DHRS7: variants seen among roughly 807,000 people sequenced by gnomAD.
DHRS7 encodes the protein dehydrogenase/reductase SDR family member 7.
In DHRS7, 34 loss-of-function variants were observed where a neutral mutation model predicts 38.9. That is an observed-to-expected ratio of 0.87 (90% CI 0.66 to 1.16). The LOEUF is 1.16. DHRS7 is among the 50% of genes most tolerant of loss of function. The probability of loss-of-function intolerance (pLI) is 0.00; values close to 1 mark genes in which losing one functional copy is unlikely to be tolerated. For missense variants in DHRS7, 421 were observed against 407.0 expected (o/e 1.03, Z -0.30); for synonymous variants, 158 against 153.1 (o/e 1.03, Z -0.24).
chr14:60,161,648 C>G lies in DHRS7; in HGVS notation c.133+3529G>C, dbSNP rs1033318336. Among the ~76,000 whole-genome samples the G allele has an allele frequency of 2.0e-5, 3 of 152,146 alleles. No homozygotes were observed. The highest frequency in any genetic ancestry group is 7.2e-5 in the African/African-American group (3 of 41,434). The stretch of plus-strand genomic sequence containing the variant: ...CACCAATTCTAGTTGGTTAATGTTC[C>G]TCTTTATTAAAGGGAGCTGGCTAGG... On this transcript the variant is annotated intron_variant, in intron 1 of 6. Transcript: ENST00000557185. The surrounding 1 kb of genome is among the most constrained non-coding windows in gnomAD (Gnocchi z 4.2).
At position 60,156,011 on chromosome 14, in the gene DHRS7, C is replaced by T. The variant is rs1164711259; in HGVS notation, c.275G>A (p.Arg92Lys). ...RRVHELERVK[R>K]RCLENGNLKE... The stretch of plus-strand genomic sequence containing the variant: ...TCAGATCCGCTTACCTAGGCATCTT[C>T]TTTTCACCCTTTCCAGCTCATGCAC... Residue 92 changes from arginine (R) to lysine (K), a missense_variant, in exon 2 of 7, where the codon AGA (arginine) becomes AAA (lysine). Arg to Lys is a conservative substitution (Grantham distance 26). Coordinates refer to ENST00000557185, the MANE Select transcript of DHRS7 (RefSeq NM_016029.4). The T allele has an allele frequency of 1.3e-6, 2 of 1,574,748 alleles. No homozygotes were observed. Among genetic ancestry groups the T allele is most frequent in the East Asian group, 4.7e-5 (2 of 42,632 alleles).
At chr14:60,149,153 A>G in intron 6 of DHRS7, 200 bp downstream of exon 6, 1 of 567,734 alleles carries the variant, frequency 1.8e-6, no homozygotes, top group Non-Finnish European at 3.1e-6. Context: ...TTGTATTTTT[A>G]GTAGAGATGG....
chr14:60,155,941 ATTT>A, intron 2 of DHRS7, 56 bp downstream of exon 2: 1 of 1,385,034 alleles, frequency 7.2e-7, no homozygotes, highest in Non-Finnish European at 9.5e-7. Context: ...CCAAAACTGT[ATTT>A]GAGTTTGGAC....
rs1323358892 is a variant in DHRS7, at chr14:60,150,105, G to T, written c.716C>A (p.Ser239Ter). ...VSNICPGPVQ[S>*]NIVENSLAGE... ...AGCTAGGGAATTCTCCACAATATTT[G>T]ATTGCACAGGTCCTGGGCAAATGTT... is the stretch of plus-strand genomic sequence containing the variant. The change falls in exon 5 of 7, where the codon TCA (serine) becomes TAA (stop). Residue 239 changes from serine (S) to a stop codon, truncating the protein, a stop_gained. Coordinates refer to ENST00000557185, the MANE Select transcript of DHRS7 (RefSeq NM_016029.4). LOFTEE classifies it high-confidence loss of function. The T allele has an allele frequency of 6.3e-7, 1 of 1,599,352 alleles. No individual in the cohort carries two copies. Among genetic ancestry groups the T allele is most frequent in the South Asian group, 1.1e-5 (1 of 89,266 alleles).
In DHRS7 at chr14:60,156,093, C is replaced by G; in HGVS notation, c.193G>C (p.Glu65Gln). ...VTGASSGIGE[E>Q]LAYQLSKLGV... is the part of the protein sequence containing the mutation. ...AGTTTAGACAACTGGTAAGCCAGCT[C>G]CTCACCAATTCCACTCGAGGCTCCA... The change falls in exon 2 of 7, where the codon GAG (glutamate) becomes CAG (glutamine). Residue 65 changes from glutamate (E) to glutamine (Q), a missense_variant. Physicochemically the swap from Glu to Gln is conservative, Grantham distance 29. Transcript: ENST00000557185. 6.2e-7 allele frequency: 1 copy of G among 1,603,768 alleles called. No homozygotes were observed.
rs71451093 is a variant in DHRS7, at chr14:60,163,209, TAATAAGCATATGACTA to T, written c.133+1952_133+1967del. Among the ~76,000 whole-genome samples, 10 of 151,706 alleles carry T rather than the reference TAATAAGCATATGACTA, an allele frequency of 6.6e-5. No homozygotes were observed. The East Asian group carries it at 1.4e-3, about 21-fold the overall frequency. On this transcript the variant is annotated intron_variant, in intron 1 of 6. Coordinates refer to ENST00000557185, the MANE Select transcript of DHRS7 (RefSeq NM_016029.4). ...AAAGAAAAAAAGCTTACTCCTTAGT[TAATAAGCATATGACTA>T]AATAAGCATATGACTAAATTTTAAA...
At chr14:60,164,968 C>T (rs1022703440) in intron 1 of DHRS7, among the ~76,000 whole-genome samples, 1 of 152,212 alleles carries the variant, frequency 6.6e-6, no homozygotes, top group Non-Finnish European at 1.5e-5. Flanking sequence ...TGCCATCTTC[C>T]GACCAGTACA....
At chr14:60,167,822 C>T (rs1257763178), upstream of DHRS7, among the ~76,000 whole-genome samples, 1 of 152,102 alleles carries the variant, frequency 6.6e-6, no homozygotes, top group East Asian at 1.9e-4. Context: ...GTTGGATGAA[C>T]AGTGGCCATA....
chr14:60,166,003 G>C (rs933689922), upstream of DHRS7, among the ~76,000 whole-genome samples: 9 of 152,200 alleles, frequency 5.9e-5, no homozygotes, highest in African/African-American at 2.2e-4. Flanking sequence ...GGCAACCAAA[G>C]CCTAGGTTGG....
chr14:60,165,269 G>A lies in DHRS7; in HGVS notation c.41C>T (p.Ala14Val). Reference sequence around the variant, plus strand: ...CAGCTGCACCAAGAGCAGGAGCAGCGCGCACAGCACCAGCAGCCACAGCAG... The same window carrying A: ...CAGCTGCACCAAGAGCAGGAGCAGCACGCACAGCACCAGCAGCCACAGCAG... ...ELLLWLLVLC[A>V]LLLLLVQLLR... Residue 14 changes from alanine to valine, a missense_variant, in exon 1 of 7, where the codon GCG becomes GTG. Physicochemically the swap from Ala to Val is moderately conservative, Grantham distance 64 (BLOSUM62 0). Transcript: ENST00000557185. This position sits in a 1 kb window ranked among gnomAD's most constrained non-coding sequence, Gnocchi z 4.6. 3 of 1,603,064 alleles carry A rather than the reference G, an allele frequency of 1.9e-6. No homozygotes were observed. Among genetic ancestry groups the A allele is most frequent in the Non-Finnish European group, 1.7e-6 (2 of 1,177,134 alleles).
chr14:60,154,788 A>T (rs181756626), intron 2 of DHRS7, among the ~76,000 whole-genome samples: 6 of 152,374 alleles, frequency 3.9e-5, no homozygotes, highest in African/African-American at 1.4e-4. Context: ...TCTGCAAGAT[A>T]AAAGGAAACA....
upstream of DHRS7, chr14:60,168,648 A>G (rs1361071105): frequency 6.6e-7 from 1 of 1,517,530 alleles, no homozygotes; most frequent in Non-Finnish European, 8.8e-7. Flanking sequence ...TCTAAAACTG[A>G]TCAATGCTTT....
rs776321314 is a variant in DHRS7, at chr14:60,153,216, T to C, written c.394-38A>G. On this transcript the variant is annotated intron_variant, in intron 3 of 6. Coordinates refer to ENST00000557185, the MANE Select transcript of DHRS7 (RefSeq NM_016029.4). This position sits in a 1 kb window ranked among gnomAD's most constrained non-coding sequence, Gnocchi z 4.4. ...AATCAGAAAAGGGGTGTTTGGGGGA[T>C]GTCTTGTGGATAGATTGATGGAATT... 7 of 1,611,238 alleles carry C rather than the reference T, an allele frequency of 4.3e-6. No individual in the cohort carries two copies. Among genetic ancestry groups the C allele is most frequent in the Non-Finnish European group, 5.9e-6 (7 of 1,178,330 alleles).
chr14:60,160,847 T>A (rs925754812), intron 1 of DHRS7, among the ~76,000 whole-genome samples: 1 of 152,164 alleles, frequency 6.6e-6, no homozygotes. Flanking sequence ...CACCTCAGCC[T>A]CCCAAAGTGC....
upstream of DHRS7, chr14:60,166,079 G>A (rs1896863506): frequency 3.0e-6 from 1 of 337,264 alleles, no homozygotes; most frequent in African/African-American, 2.2e-5. Flanking sequence ...TAAAAACAGA[G>A]AATGTAATGA....
chr14:60,162,306 G>A lies in DHRS7; in HGVS notation c.133+2871C>T, dbSNP rs1256883827. ...GAGGATTGCCTGAGCCCAGGAGTTC[G>A]AGGCTGCAGTGAGCTATGATCATGC... On this transcript the variant is annotated intron_variant, in intron 1 of 6. Coordinates refer to ENST00000557185, the MANE Select transcript of DHRS7 (RefSeq NM_016029.4). The surrounding 1 kb of genome is among the most constrained non-coding windows in gnomAD (Gnocchi z 4.5). Among the ~76,000 whole-genome samples the A allele has an allele frequency of 6.6e-6, 1 of 151,938 alleles. No individual in the cohort carries two copies. The highest frequency in any genetic ancestry group is 1.5e-5 in the Non-Finnish European group (1 of 67,968).
intron 1 of DHRS7, among the ~76,000 whole-genome samples, chr14:60,164,366 C>A (rs961035535): frequency 6.6e-6 from 1 of 151,724 alleles, no homozygotes; most frequent in Admixed American, 6.6e-5. Flanking sequence ...CCAGGGAAAC[C>A]CCATTTCCCC....
chr14:60,165,299 T>A lies in DHRS7; in HGVS notation c.11A>T (p.Glu4Val). 6.3e-7 allele frequency: 1 copy of A among 1,590,286 alleles called. No homozygotes were observed. Among genetic ancestry groups the A allele is most frequent in the East Asian group, 2.3e-5 (1 of 43,928 alleles). ...CAGCACCAGCAGCCACAGCAGCAGCTCCCAGTTCATTGCGGCCGCGCACGC... is the reference window on the plus strand; with the variant it reads ...CAGCACCAGCAGCCACAGCAGCAGCACCCAGTTCATTGCGGCCGCGCACGC... MNW[E>V]LLLWLLVLCA... Residue 4 changes from glutamate to valine, a missense_variant, in exon 1 of 7, where the codon GAG becomes GTG. By Grantham distance (121) the Glu-to-Val change is moderately radical. Coordinates refer to ENST00000557185, the MANE Select transcript of DHRS7 (RefSeq NM_016029.4). This position sits in a 1 kb window ranked among gnomAD's most constrained non-coding sequence, Gnocchi z 4.6.
rs751946309 is a variant in DHRS7, at chr14:60,149,520, A to G, written c.805T>C (p.Cys269Arg). 2 of 1,613,944 alleles carry G rather than the reference A, an allele frequency of 1.2e-6. No homozygotes were observed. Among genetic ancestry groups the G allele is most frequent in the Non-Finnish European group, 1.7e-6 (2 of 1,179,964 alleles). ...ATGCTGATTAACATCAGCCGCACAC[A>G]ACGACTGGTTGTCATCTTGTGGGAC... ...DQSHKMTTSR[C>R]VRLMLISMAN... Residue 269 changes from cysteine (C) to arginine (R), a missense_variant, in exon 6 of 7, where the codon TGT (cysteine) becomes CGT (arginine). Transcript: ENST00000557185.
Sources: allele counts gnomAD v4.1 joint callset (sites outside exome capture counted in the v4.1 genomes callset), GRCh38; gene constraint gnomAD v4.1.1; non-coding constraint Gnocchi (gnomAD v3.1); transcripts MANE v1.5; gene names NCBI Gene and HGNC (gene_info 2026-07-23, HGNC 2026-07-21).